Variants in STRN observed in about 807,000 individuals in gnomAD.
STRN encodes striatin, also known as protein phosphatase 2 regulatory subunit B'''alpha.
Under a neutral mutation model 96.3 loss-of-function variants are expected in STRN, and 53 were observed. The observed-to-expected ratio is 0.55, with a 90% CI of 0.44 to 0.69. The LOEUF (loss-of-function observed/expected upper bound fraction) is 0.69. Ranked by LOEUF, STRN falls within the 30% of genes least tolerant of loss-of-function variation. The pLI is 0.00. For missense variants in STRN, 987 were observed against 963.9 expected, an observed-to-expected ratio of 1.02 and a Z score of -0.32; for synonymous variants, 428 against 355.9, an observed-to-expected ratio of 1.20 and a Z score of -2.28.
intron 1 of STRN, among the ~76,000 whole-genome samples, chr2:36,928,704 G>A (rs1670486391): frequency 1.3e-5 from 2 of 150,298 alleles, no homozygotes; most frequent in Admixed American, 1.3e-4. Flanking sequence ...CAGCACTTTG[G>A]GAGGCCGAGG....
chr2:36,855,317 T>C lies in STRN; in HGVS notation c.1873A>G (p.Ser625Gly). ...GATGCTACCATATGGCTCGGGTCAC[T>C]GCTCACTAGATCCACAGAGGCAGGG... ...GIPASVDLVS[S>G]DPSHMVASFS... The change falls in exon 15 of 18, where the codon AGT becomes GGT. Residue 625 changes from serine (S) to glycine (G), a missense_variant. Coordinates refer to ENST00000263918, the MANE Select transcript of STRN (RefSeq NM_003162.4). 6.2e-7 allele frequency: 1 copy of C among 1,613,824 alleles called. No individual in the cohort carries two copies. Among genetic ancestry groups the C allele is most frequent in the Non-Finnish European group, 8.5e-7 (1 of 1,179,796 alleles).
At chr2:36,901,122 C>T (rs1406468413) in intron 5 of STRN, among the ~76,000 whole-genome samples, 1 of 152,130 alleles carries the variant, frequency 6.6e-6, no homozygotes, top group Non-Finnish European at 1.5e-5. Context: ...CTCTTTATCC[C>T]TACTGAAATC....
At chr2:36,956,188 A>AC (rs2148275027) in intron 1 of STRN, among the ~76,000 whole-genome samples, 1 of 152,330 alleles carries the variant, frequency 6.6e-6, no homozygotes, top group South Asian at 2.1e-4. Context: ...CTACAATAGG[A>AC]CTTATATAAA....
chr2:36,837,965 T>A lies in STRN; in HGVS notation c.*11491A>T, dbSNP rs2148105322. ...AGGCAGAATTCTAAGATGGCCCCCA[T>A]GAACTCTGCCCCTCATGTTACTTCC... On this transcript the variant is annotated 3_prime_UTR_variant, in exon 18 of 18. Transcript: ENST00000263918. Among the ~76,000 whole-genome samples the A allele has an allele frequency of 6.6e-6, 1 of 152,210 alleles. No homozygotes were observed. Among genetic ancestry groups the A allele is most frequent in the East Asian group, 1.9e-4 (1 of 5,192 alleles).
chr2:36,962,618 C>G (rs1488043282), intron 1 of STRN, among the ~76,000 whole-genome samples: 1 of 152,040 alleles, frequency 6.6e-6, no homozygotes, highest in Non-Finnish European at 1.5e-5. Context: ...CCTCCGCCTC[C>G]CAGGTTCAAG....
At chr2:36,957,707 T>G (rs1411028460) in intron 1 of STRN, among the ~76,000 whole-genome samples, 2 of 150,968 alleles carry the variant, frequency 1.3e-5, no homozygotes, top group Admixed American at 1.3e-4. Flanking sequence ...TACCTTTATT[T>G]GAGAGCTCAG....
Position 36,850,690 on chromosome 2 carries a change from A to C in STRN, c.2086+310T>G, listed in dbSNP as rs186418937. Among the ~76,000 whole-genome samples the C allele has an allele frequency of 1.2e-4, 18 of 152,340 alleles. No homozygotes were observed. In the South Asian group the frequency reaches 2.5e-3, roughly 21 times the overall value. On this transcript the variant is annotated intron_variant, in intron 16 of 17. Coordinates refer to ENST00000263918, the MANE Select transcript of STRN (RefSeq NM_003162.4). ...CCAATATATAATACTACAATAGATC[A>C]TAGCAACAGATCATTTTTATTTGTA...
chr2:36,916,229 A>C, intron 2 of STRN, 78 bp from the exon 3 acceptor site: 1 of 1,226,940 alleles, frequency 8.2e-7, no homozygotes, highest in Non-Finnish European at 1.2e-6. Context: ...AGTCACAAGA[A>C]TTCAGTAGTC....
At chr2:36,852,073 G>A (rs1419124511) in intron 15 of STRN, among the ~76,000 whole-genome samples, 1 of 152,154 alleles carries the variant, frequency 6.6e-6, no homozygotes, top group Non-Finnish European at 1.5e-5. Context: ...CCACAATCAG[G>A]TGACAAAATC....
At chr2:36,900,125 G>A (rs1381958020) in intron 5 of STRN, among the ~76,000 whole-genome samples, 2 of 152,028 alleles carry the variant, frequency 1.3e-5, no homozygotes, top group East Asian at 3.9e-4. Context: ...CTGAGCCCAA[G>A]TGATTCGCCC....
At chr2:36,877,413 G>C (rs553465895) in intron 10 of STRN, among the ~76,000 whole-genome samples, 1 of 152,278 alleles carries the variant, frequency 6.6e-6, no homozygotes, top group East Asian at 1.9e-4. Flanking sequence ...TAATCTCTAG[G>C]TTATGGAAAA....
chr2:36,842,863 G>A lies in STRN; in HGVS notation c.*6593C>T, dbSNP rs553340057. Among the ~76,000 whole-genome samples the A allele has an allele frequency of 3.6e-4, 55 of 152,226 alleles. No individual in the cohort carries two copies. The highest frequency in any genetic ancestry group is 6.8e-4 in the Non-Finnish European group (46 of 67,994). On this transcript the variant is annotated 3_prime_UTR_variant, in exon 18 of 18. Coordinates refer to ENST00000263918, the MANE Select transcript of STRN (RefSeq NM_003162.4). ...CTGGTCATCCTGAGAAGTAACAGGC[G>A]GAGGGATGCTCCATGATTATAATGT...
intron 8 of STRN, among the ~76,000 whole-genome samples, chr2:36,885,052 T>C (rs967446306): frequency 6.6e-6 from 1 of 152,092 alleles, no homozygotes; most frequent in Non-Finnish European, 1.5e-5. Context: ...TTCTTCACCA[T>C]ACTAAAAAAA....
chr2:36,952,924 C>T (rs1304505279), intron 1 of STRN, among the ~76,000 whole-genome samples: 1 of 152,198 alleles, frequency 6.6e-6, no homozygotes, highest in Non-Finnish European at 1.5e-5. Context: ...CAATGGTTAA[C>T]CTTCTCATTT....
chr2:36,879,074 GT>G (rs756830439), intron 9 of STRN, among the ~76,000 whole-genome samples: 2 of 147,790 alleles, frequency 1.4e-5, no homozygotes, highest in Non-Finnish European at 3.0e-5. Context: ...TTGTTTATTT[GT>G]TTTTTTTGTT....
intron 10 of STRN, among the ~76,000 whole-genome samples, chr2:36,869,939 G>C (rs1668721616): frequency 6.6e-6 from 1 of 151,988 alleles, no homozygotes; most frequent in Admixed American, 6.6e-5. Context: ...TATGAAAGGT[G>C]TATTACAAAA....
intron 4 of STRN, among the ~76,000 whole-genome samples, chr2:36,904,348 T>G (rs898505978): frequency 6.6e-6 from 1 of 152,170 alleles, no homozygotes; most frequent in Non-Finnish European, 1.5e-5. Flanking sequence ...AAACAACTTA[T>G]AATCAACCTC....
intron 5 of STRN, among the ~76,000 whole-genome samples, chr2:36,900,141 A>T (rs1158672481): frequency 6.6e-6 from 1 of 152,094 alleles, no homozygotes; most frequent in African/African-American, 2.4e-5. Context: ...CGCCCGCCTC[A>T]GCCTCAGCCT....
intron 1 of STRN, among the ~76,000 whole-genome samples, chr2:36,953,352 T>C (rs1216302574): frequency 6.6e-6 from 1 of 151,944 alleles, no homozygotes; most frequent in African/African-American, 2.4e-5. Flanking sequence ...TTCTTCCATA[T>C]CAATGTTTTC....
Sources: gnomAD v4.1 joint callset for allele counts (sites outside exome capture counted in the v4.1 genomes callset) on GRCh38, gnomAD v4.1.1 for gene constraint, MANE v1.5 for transcripts, NCBI Gene and HGNC (gene_info 2026-07-23, HGNC 2026-07-21) for gene names.